The following CLDN14 variants were observed in gnomAD, a reference collection of about 807,000 sequenced individuals.
The protein encoded by CLDN14 is claudin 14, also known as claudin-14.
Under a neutral mutation model 2.1 loss-of-function variants are expected in CLDN14, and 2 were observed. That is an observed-to-expected ratio of 0.96 (90% confidence interval 0.39 to 3.01). CLDN14 has a LOEUF of 3.01. CLDN14 is among the 30% of genes most tolerant of loss of function. CLDN14 has a pLI of 0.09. For missense variants in CLDN14, 298 were observed against 328.0 expected (o/e 0.91, Z 0.71); for synonymous variants, 136 against 154.4 (o/e 0.88, Z 0.88).
intron 1 of CLDN14, among the ~76,000 whole-genome samples, chr21:36,478,574 G>T (rs1346199412): frequency 1.3e-5 from 2 of 152,228 alleles, no homozygotes; most frequent in East Asian, 1.9e-4. Context: ...AGAGACACGG[G>T]CATGAACGCT....
At chr21:36,518,799 G>A (rs938284054) in intron 1 of CLDN14, among the ~76,000 whole-genome samples, 2 of 152,178 alleles carry the variant, frequency 1.3e-5, no homozygotes, top group Admixed American at 1.3e-4. Flanking sequence ...GCGACTATCA[G>A]GCACACAATT....
chr21:36,547,958 G>A (rs1036985935), intron 1 of CLDN14, among the ~76,000 whole-genome samples: 3 of 152,154 alleles, frequency 2.0e-5, no homozygotes, highest in Non-Finnish European at 2.9e-5. Context: ...ATTACCTGGC[G>A]GTGTCACTTC....
chr21:36,492,420 G>A (rs1263699839), intron 2 of CLDN14, among the ~76,000 whole-genome samples: 1 of 106,662 alleles, frequency 9.4e-6, no homozygotes, highest in Non-Finnish European at 1.7e-5. Context: ...CGGCCTGGGC[G>A]ACAGAGCGAG....
At chr21:36,482,230 T>A (rs1036504250), upstream of CLDN14, among the ~76,000 whole-genome samples, 5 of 152,256 alleles carry the variant, frequency 3.3e-5, no homozygotes, top group Non-Finnish European at 7.3e-5. Flanking sequence ...GAGGAAGGTC[T>A]TGAGCATTTT....
intron 2 of CLDN14, among the ~76,000 whole-genome samples, chr21:36,495,001 C>T (rs2087003045): frequency 6.6e-6 from 1 of 152,130 alleles, no homozygotes; most frequent in Non-Finnish European, 1.5e-5. Context: ...ACCTGAGTTC[C>T]CTGGGTGGAG....
intron 2 of CLDN14, chr21:36,486,574 C>T: frequency 4.5e-6 from 7 of 1,555,482 alleles, no homozygotes; most frequent in Non-Finnish European, 6.2e-6. Flanking sequence ...CCAAGCTGGG[C>T]CCAGGAGGCA....
At chr21:36,529,892 A>G (rs2087365596) in intron 1 of CLDN14, among the ~76,000 whole-genome samples, 1 of 152,184 alleles carries the variant, frequency 6.6e-6, no homozygotes, top group Non-Finnish European at 1.5e-5. Flanking sequence ...TGTAGTTTTT[A>G]TATTATGCTA....
At chr21:36,514,444 A>G (rs890542648) in intron 1 of CLDN14, among the ~76,000 whole-genome samples, 8 of 152,236 alleles carry the variant, frequency 5.3e-5, no homozygotes, top group African/African-American at 1.7e-4. Context: ...GTATTTCCAC[A>G]GTGCGCCAGA....
intron 1 of CLDN14, 149 bp downstream of exon 1, chr21:36,479,346 G>A (rs1449679603): frequency 6.6e-6 from 1 of 152,038 alleles, no homozygotes; most frequent in African/African-American, 2.4e-5. Context: ...TTCCTTTCCT[G>A]TAGGGGCCAG....
intron 1 of CLDN14, among the ~76,000 whole-genome samples, chr21:36,527,555 T>A (rs966089388): frequency 6.6e-6 from 1 of 152,220 alleles, no homozygotes; most frequent in African/African-American, 2.4e-5. Flanking sequence ...GAAGTGACAT[T>A]TCCCATTTCC....
chr21:36,503,548 A>G (rs1490675318), intron 2 of CLDN14, among the ~76,000 whole-genome samples: 1 of 152,150 alleles, frequency 6.6e-6, no homozygotes, highest in Non-Finnish European at 1.5e-5. Context: ...CATGTAAGAC[A>G]TGACTTGCTC....
chr21:36,486,795 C>T (rs2086902362), intron 2 of CLDN14: 1 of 767,708 alleles, frequency 1.3e-6, no homozygotes, highest in Non-Finnish European at 2.3e-6. Flanking sequence ...GATTCTTGCC[C>T]CGTCAGCGCT....
intron 1 of CLDN14, chr21:36,532,457 GAGT>G (rs2087388907): frequency 6.6e-6 from 1 of 151,848 alleles, no homozygotes; most frequent in Admixed American, 6.6e-5. Context: ...GGGGTGGGGG[GAGT>G]GGGGAGGGAT....
chr21:36,501,536 A>G (rs2087092552), intron 2 of CLDN14, among the ~76,000 whole-genome samples: 1 of 151,746 alleles, frequency 6.6e-6, no homozygotes, highest in South Asian at 2.1e-4. Context: ...GAGACTATGA[A>G]ACTGAACTAG....
intron 1 of CLDN14, among the ~76,000 whole-genome samples, chr21:36,513,031 G>A (rs960605240): frequency 2.0e-5 from 3 of 152,134 alleles, no homozygotes; most frequent in Non-Finnish European, 4.4e-5. Context: ...CTCTGCTGCC[G>A]CTCCTCTTCC....
intron 1 of CLDN14, among the ~76,000 whole-genome samples, chr21:36,546,159 T>A (rs1466406962): frequency 6.6e-6 from 1 of 152,266 alleles, no homozygotes; most frequent in Non-Finnish European, 1.5e-5. Context: ...GCATGCATTA[T>A]TTTCACTTTT....
Position 36,574,644 on chromosome 21 carries a change from A to T in CLDN14, c.-220+1767T>A, listed in dbSNP as rs546903463. ...TTTTGATTGGTGGTTACCAAAGTAG[A>T]TACAATTCTGAAAGATTGTTGAACT... On this transcript the variant is annotated intron_variant, in intron 1 of 2. Coordinates refer to the CLDN14 transcript ENST00000342108. 1.6e-4 allele frequency among the ~76,000 whole-genome samples: 24 copies of T among 152,350 alleles called. 1 individual carries two copies. The South Asian group carries it at 5.0e-3, about 32-fold the overall frequency.
chr21:36,552,375 T>C (rs930297485), intron 1 of CLDN14, among the ~76,000 whole-genome samples: 1 of 152,234 alleles, frequency 6.6e-6, no homozygotes, highest in Non-Finnish European at 1.5e-5. Context: ...CAGTATAAGA[T>C]GCCCCATGTG....
At chr21:36,519,708 T>TAAA (rs1211485031) in intron 1 of CLDN14, among the ~76,000 whole-genome samples, 30 of 93,420 alleles carry the variant, frequency 3.2e-4, no homozygotes, top group African/African-American at 8.4e-4. Context: ...AGACCCTGTC[T>TAAA]AAAAAACAAC....
Sources: allele counts gnomAD v4.1 joint callset (sites outside exome capture counted in the v4.1 genomes callset), GRCh38; gene constraint gnomAD v4.1.1; transcripts MANE v1.5; gene names NCBI Gene and HGNC (gene_info 2026-07-23, HGNC 2026-07-21).